Variants in CDYL observed in about 807,000 individuals in gnomAD.
CDYL encodes chromodomain Y-like protein.
Under a neutral mutation model 47.3 loss-of-function variants are expected in CDYL, and 8 were observed. The ratio of observed to expected loss-of-function variants is 0.17; its 90% CI spans 0.10 to 0.31. CDYL has a LOEUF of 0.31. Among genes scored for constraint, CDYL ranks in the 10% least tolerant of loss-of-function variants. CDYL has a pLI of 1.00. For missense variants in CDYL, 471 were observed against 701.4 expected (o/e 0.67, Z 3.71); for synonymous variants, 266 against 265.0 (o/e 1.00, Z -0.04).
At chr6:4,875,315 G>A (rs1026557855) in intron 1 of CDYL, among the ~76,000 whole-genome samples, 2 of 152,174 alleles carry the variant, frequency 1.3e-5, no homozygotes, top group Non-Finnish European at 2.9e-5. Context: ...CTGTATAAAT[G>A]TTAAGAGTTT....
intron 1 of CDYL, among the ~76,000 whole-genome samples, chr6:4,843,039 G>A (rs145464892): frequency 3.3e-5 from 5 of 152,120 alleles, no homozygotes; most frequent in Non-Finnish European, 5.9e-5. Context: ...TAAAAAGACG[G>A]TATCTTTTCA....
intron 2 of CDYL, among the ~76,000 whole-genome samples, chr6:4,901,719 A>G (rs533859313): frequency 6.6e-6 from 1 of 152,350 alleles, no homozygotes; most frequent in Admixed American, 6.5e-5. Context: ...AGTACACAGT[A>G]TTACTCAAGA....
chr6:4,734,788 C>T (rs1757672478), exon 3 of CDYL: 3 of 1,613,956 alleles, frequency 1.9e-6, no homozygotes, highest in Non-Finnish European at 2.5e-6. Context: ...GCCTTCAGAC[C>T]CCAGCATCTC....
chr6:4,831,620 T>G (rs1174976742), intron 1 of CDYL, among the ~76,000 whole-genome samples: 2 of 152,014 alleles, frequency 1.3e-5, no homozygotes, highest in Non-Finnish European at 2.9e-5. Context: ...GTGAAGAAAG[T>G]CATTGGTAGC....
In CDYL at chr6:4,711,128, T is replaced by C. The variant is rs1335065381; in HGVS notation, c.-38-4613T>C. 2.0e-5 allele frequency among the ~76,000 whole-genome samples: 3 copies of C among 152,150 alleles called. No homozygotes were observed. The East Asian group carries it at 5.8e-4, about 29-fold the overall frequency. Reference sequence around the variant, plus strand: ...TTATCCCCACCACCAGTCCATGCACTTGTCTCTCTAAGATCACAAATACCC... The same window carrying C: ...TTATCCCCACCACCAGTCCATGCACCTGTCTCTCTAAGATCACAAATACCC... On this transcript the variant is annotated intron_variant, in intron 1 of 8. Transcript: ENST00000328908.
At chr6:4,713,604 T>TG (rs397932577) in intron 1 of CDYL, among the ~76,000 whole-genome samples, 2 of 149,934 alleles carry the variant, frequency 1.3e-5, no homozygotes, top group Non-Finnish European at 3.0e-5. Context: ...TTTTTTTTTT[T>TG]GGAGACAGAA....
intron 6 of CDYL, 131 bp downstream of exon 6, chr6:4,952,540 C>A (rs1037270083): frequency 4.2e-6 from 4 of 963,560 alleles, no homozygotes; most frequent in African/African-American, 3.4e-5. Context: ...CCCGTGAAGT[C>A]CTGCCAGAAC....
At chr6:4,893,227 T>C (rs1762100366) in intron 2 of CDYL, among the ~76,000 whole-genome samples, 1 of 152,220 alleles carries the variant, frequency 6.6e-6, no homozygotes. Flanking sequence ...CCCCACCCCA[T>C]TGCCTTCAGT....
At chr6:4,953,122 G>A (rs942409969) in intron 6 of CDYL, among the ~76,000 whole-genome samples, 4 of 150,886 alleles carry the variant, frequency 2.7e-5, no homozygotes, top group East Asian at 2.0e-4. Flanking sequence ...AGTGGCTCAC[G>A]CCTATAATCC....
intron 1 of CDYL, among the ~76,000 whole-genome samples, chr6:4,844,525 T>A (rs1221001811): frequency 6.6e-6 from 1 of 152,244 alleles, no homozygotes; most frequent in Non-Finnish European, 1.5e-5. Flanking sequence ...CACGCTGCTC[T>A]GTCCGTCCGA....
At chr6:4,823,532 G>A (rs1759896996) in intron 1 of CDYL, among the ~76,000 whole-genome samples, 3 of 152,102 alleles carry the variant, frequency 2.0e-5, no homozygotes, top group African/African-American at 4.8e-5. Context: ...ATTCCCTGAC[G>A]TTAATCACAA....
chr6:4,881,891 G>A (rs1216084403), intron 1 of CDYL, among the ~76,000 whole-genome samples: 5 of 152,216 alleles, frequency 3.3e-5, no homozygotes, highest in African/African-American at 1.2e-4. Flanking sequence ...CCTTTTGCAA[G>A]CAGTGCACTG....
chr6:4,895,775 G>T (rs373808981), intron 2 of CDYL, among the ~76,000 whole-genome samples: 1 of 152,074 alleles, frequency 6.6e-6, no homozygotes, highest in Non-Finnish European at 1.5e-5. Flanking sequence ...GAAACAATTC[G>T]CAACAAGAAC....
intron 5 of CDYL, among the ~76,000 whole-genome samples, chr6:4,944,551 G>A (rs959965404): frequency 1.4e-4 from 21 of 152,178 alleles, no homozygotes; most frequent in Non-Finnish European, 1.6e-4. Context: ...CCCCAGGAGC[G>A]ATCATGGCAG....
intron 1 of CDYL, among the ~76,000 whole-genome samples, chr6:4,790,899 T>C (rs535360989): frequency 6.6e-6 from 1 of 152,226 alleles, no homozygotes; most frequent in South Asian, 2.1e-4. Flanking sequence ...ACAGAGAAAA[T>C]ATCAGAGATT....
chr6:4,786,643 C>G (rs1758764011), intron 1 of CDYL, among the ~76,000 whole-genome samples: 1 of 152,106 alleles, frequency 6.6e-6, no homozygotes, highest in African/African-American at 2.4e-5. Flanking sequence ...TATCTCGAGT[C>G]TCGCTGTTTA....
chr6:4,824,905 C>CT (rs1443474911), intron 1 of CDYL, among the ~76,000 whole-genome samples: 2 of 151,972 alleles, frequency 1.3e-5, no homozygotes, highest in African/African-American at 4.8e-5. Context: ...GAGTCTCACT[C>CT]TGTTGCCCAG....
chr6:4,901,929 A>G (rs1450128239), intron 2 of CDYL, among the ~76,000 whole-genome samples: 1 of 152,096 alleles, frequency 6.6e-6, no homozygotes, highest in East Asian at 1.9e-4. Flanking sequence ...GCATGGAAGC[A>G]AGGTGCCCCC....
chr6:4,909,472 A>T (rs1248110403), intron 2 of CDYL, among the ~76,000 whole-genome samples: 1 of 152,026 alleles, frequency 6.6e-6, no homozygotes, highest in Non-Finnish European at 1.5e-5. Context: ...TCCATTTCTC[A>T]CACACCAGGA....
Sources: allele counts gnomAD v4.1 joint callset (sites outside exome capture counted in the v4.1 genomes callset), GRCh38; gene constraint gnomAD v4.1.1; transcripts MANE v1.5; gene names NCBI Gene and HGNC (gene_info 2026-07-23, HGNC 2026-07-21).